The following TNR variants were observed in gnomAD, a reference collection of about 807,000 sequenced individuals.
TNR encodes tenascin-R.
In TNR, 45 loss-of-function variants were observed where a neutral mutation model predicts 150.4. The ratio of observed to expected loss-of-function variants is 0.30; its 90% confidence interval spans 0.24 to 0.38. The LOEUF (loss-of-function observed/expected upper bound fraction) is 0.38, where lower values mean the gene tolerates loss of function less well. Ranked by LOEUF, TNR falls within the 10% of genes least tolerant of loss-of-function variation. The pLI, the probability that TNR is intolerant of heterozygous loss-of-function variation, is 1.00. For synonymous variants in TNR, 687 were observed against 678.4 expected, an observed-to-expected ratio of 1.01 and a Z score of -0.20; for missense variants, 1,544 against 1,759.1, an observed-to-expected ratio of 0.88 and a Z score of 2.19.
At chr1:175,587,371 C>A (rs1662614806) in intron 1 of TNR, among the ~76,000 whole-genome samples, 1 of 152,164 alleles carries the variant, frequency 6.6e-6, no homozygotes, top group Non-Finnish European at 1.5e-5. Flanking sequence ...AGCTGAGTAA[C>A]CCAGAGTGAA....
chr1:175,603,308 A>G (rs1663308861), intron 1 of TNR, among the ~76,000 whole-genome samples: 1 of 152,236 alleles, frequency 6.6e-6, no homozygotes, highest in South Asian at 2.1e-4. Flanking sequence ...CCAACCTGAG[A>G]AATCAGTAAA....
At chr1:175,681,531 C>T (rs2101910555) in intron 1 of TNR, among the ~76,000 whole-genome samples, 1 of 152,298 alleles carries the variant, frequency 6.6e-6, no homozygotes, top group Non-Finnish European at 1.5e-5. Context: ...CCATAAAGCC[C>T]AGGAAGAGAA....
At chr1:175,619,799 G>A (rs1249902483) in intron 1 of TNR, among the ~76,000 whole-genome samples, 1 of 152,132 alleles carries the variant, frequency 6.6e-6, no homozygotes, top group Non-Finnish European at 1.5e-5. Context: ...CTTTTCCCCA[G>A]AGGAAAAAAG....
At chr1:175,583,458 G>T (rs575752941) in intron 1 of TNR, among the ~76,000 whole-genome samples, 1 of 152,166 alleles carries the variant, frequency 6.6e-6, no homozygotes, top group East Asian at 1.9e-4. Flanking sequence ...CGGCTGCCAA[G>T]GTCATGCACA....
intron 1 of TNR, among the ~76,000 whole-genome samples, chr1:175,619,265 C>G (rs920947971): frequency 6.6e-6 from 1 of 152,172 alleles, no homozygotes; most frequent in Non-Finnish European, 1.5e-5. Context: ...GAGCATTGTC[C>G]ATTCCTGTCC....
At chr1:175,528,410 T>C (rs1659933798) in intron 1 of TNR, 41 bp from the exon 2 acceptor site, 1 of 152,216 alleles carries the variant, frequency 6.6e-6, no homozygotes, top group Non-Finnish European at 1.5e-5. Flanking sequence ...TATTAATGGT[T>C]TCAAAATAAG....
intron 1 of TNR, among the ~76,000 whole-genome samples, chr1:175,545,414 TAG>T (rs34649232): frequency 0.47 from 71,023 of 151,628 alleles, 17,247 homozygotes; most frequent in East Asian, 0.67. Context: ...AAGAAATATA[TAG>T]AGAGAAACAG....
chr1:175,561,219 T>C (rs1222413591), intron 1 of TNR, among the ~76,000 whole-genome samples: 1 of 152,218 alleles, frequency 6.6e-6, no homozygotes, highest in African/African-American at 2.4e-5. Flanking sequence ...TTCTACATAG[T>C]ATTAATATAT....
chr1:175,656,225 A>C (rs992735359), intron 1 of TNR, among the ~76,000 whole-genome samples: 1 of 150,762 alleles, frequency 6.6e-6, no homozygotes, highest in Non-Finnish European at 1.5e-5. Flanking sequence ...TGCCCCAAGC[A>C]TCCATCAGTT....
At position 175,469,422 on chromosome 1, in the gene TNR, T is replaced by C. The variant is rs1291392512; in HGVS notation, c.-64+58847A>G. ...ACAACTATCACTAGTAGCAAATGGGTAATTAATGGTGTGTAGTTGGGTCAG... is the reference window on the plus strand; with the variant it reads ...ACAACTATCACTAGTAGCAAATGGGCAATTAATGGTGTGTAGTTGGGTCAG... On this transcript the variant is annotated intron_variant, in intron 2 of 22. Coordinates refer to ENST00000367674, the MANE Select transcript of TNR (RefSeq NM_003285.3). Among the ~76,000 whole-genome samples the C allele has an allele frequency of 2.0e-5, 3 of 152,110 alleles. No individual in the cohort carries two copies. In the East Asian group the frequency reaches 5.8e-4, roughly 29 times the overall value.
Position 175,317,188 on chromosome 1 carries a change from G to C in TNR, c.*6169C>G, listed in dbSNP as rs762482801. The C allele has an allele frequency of 6.6e-6, 1 of 152,168 alleles. No individual in the cohort carries two copies. Among genetic ancestry groups the C allele is most frequent in the Non-Finnish European group, 1.5e-5 (1 of 68,016 alleles). The allele number at this position is 152,168 out of a possible 1,614,324, so 9.4% of individuals were successfully genotyped here. A position where few individuals can be genotyped will look rare whatever the true frequency, so the allele number is the denominator to read the frequency against. On this transcript the variant is annotated 3_prime_UTR_variant, in exon 23 of 23. Coordinates refer to ENST00000367674, the MANE Select transcript of TNR (RefSeq NM_003285.3). ...CTTTGCACAGTATCTGGTAAATAGT[G>C]GGTATGCAATAAATGCTATTTATCT...
chr1:175,678,532 T>C (rs898645080), intron 1 of TNR, among the ~76,000 whole-genome samples: 1 of 152,200 alleles, frequency 6.6e-6, no homozygotes, highest in African/African-American at 2.4e-5. Context: ...AGTGCTGAGA[T>C]AATCCTGACT....
chr1:175,625,542 G>A (rs79505851), intron 1 of TNR, among the ~76,000 whole-genome samples: 2 of 152,238 alleles, frequency 1.3e-5, no homozygotes, highest in African/African-American at 4.8e-5. Context: ...GGCTCAGCCA[G>A]GCCTGTGTGC....
chr1:175,664,202 G>T (rs1263442086), intron 1 of TNR, among the ~76,000 whole-genome samples: 1 of 152,182 alleles, frequency 6.6e-6, no homozygotes, highest in Non-Finnish European at 1.5e-5. Context: ...TGGCCTCTGG[G>T]CAAAAACCTG....
intron 2 of TNR, among the ~76,000 whole-genome samples, chr1:175,449,605 A>G (rs948314292): frequency 2.0e-5 from 3 of 152,206 alleles, no homozygotes; most frequent in Non-Finnish European, 4.4e-5. Context: ...AGGCGTTAGT[A>G]AAGATTAAGG....
At chr1:175,717,405 G>T (rs1048189090) in intron 1 of TNR, among the ~76,000 whole-genome samples, 6 of 152,100 alleles carry the variant, frequency 3.9e-5, no homozygotes, top group African/African-American at 1.4e-4. Flanking sequence ...ATACCCAGGT[G>T]ACAAAACTGC....
At chr1:175,342,395 G>A (rs1334836538) in intron 18 of TNR, among the ~76,000 whole-genome samples, 1 of 152,206 alleles carries the variant, frequency 6.6e-6, no homozygotes, top group Non-Finnish European at 1.5e-5. Context: ...CAAAAGTACG[G>A]CCCCTTTGAG....
chr1:175,396,665 C>T lies in TNR; in HGVS notation c.1119G>A (p.Val373=), dbSNP rs1032589687. The change falls in exon 5 of 23, where the codon GTG becomes GTA. Residue 373 remains valine (V), a synonymous_variant. Transcript: ENST00000367674. Reference sequence around the variant, plus strand: ...TGGTGACACCACTCCAATCTCCAGGCACCCGCTGCTGGAGCTGGAGGCCCC... The same window carrying T: ...TGGTGACACCACTCCAATCTCCAGGTACCCGCTGCTGGAGCTGGAGGCCCC... ...ALGGLQLQQR[V]PGDWSGVTIT... 1 of 1,614,246 alleles carries T rather than the reference C, an allele frequency of 6.2e-7. No individual in the cohort carries two copies. Among genetic ancestry groups the T allele is most frequent in the Non-Finnish European group, 8.5e-7 (1 of 1,180,046 alleles).
chr1:175,374,168 C>T (rs1467956220), intron 9 of TNR, among the ~76,000 whole-genome samples: 2 of 152,174 alleles, frequency 1.3e-5, no homozygotes, highest in Admixed American at 6.5e-5. Flanking sequence ...CATTGAGTGC[C>T]GTGGTCAGTG....
Sources: allele counts gnomAD v4.1 joint callset (sites outside exome capture counted in the v4.1 genomes callset), GRCh38; gene constraint gnomAD v4.1.1; transcripts MANE v1.5; gene names NCBI Gene and HGNC (gene_info 2026-07-23, HGNC 2026-07-21).